Variants in SERPINB3 observed in about 807,000 individuals in gnomAD.
The protein encoded by SERPINB3 is serpin B3.
Under a neutral mutation model 33.0 loss-of-function variants are expected in SERPINB3, and 33 were observed. That is an observed-to-expected ratio of 1.00 (90% CI 0.76 to 1.34). The LOEUF (loss-of-function observed/expected upper bound fraction) is 1.34, where lower values mean the gene tolerates loss of function less well. Among genes scored for constraint, SERPINB3 ranks in the 40% most tolerant of loss-of-function variants. SERPINB3 has a pLI of 0.00. For synonymous variants in SERPINB3, 200 were observed against 170.9 expected (o/e 1.17, Z -1.33); for missense variants, 518 against 461.5 (o/e 1.12, Z -1.12).
chr18:63,656,132 CTA>C (rs1913490051), intron 7 of SERPINB3, 71 bp from the exon 8 acceptor site: 9 of 1,520,544 alleles, frequency 5.9e-6, no homozygotes, highest in Admixed American at 2.1e-5. Context: ...AATGAATTGA[CTA>C]TGTGGAGAAT....
intron 7 of SERPINB3, among the ~76,000 whole-genome samples, 173 bp downstream of exon 7, chr18:63,656,656 TTG>T (rs1483632159): frequency 1.3e-5 from 2 of 152,240 alleles, no homozygotes; most frequent in East Asian, 1.9e-4. Flanking sequence ...TGCCTTCAGT[TTG>T]TGTCAGGCCC....
At chr18:63,658,398 T>A in intron 5 of SERPINB3, 115 bp downstream of exon 5, 1 of 839,664 alleles carries the variant, frequency 1.2e-6, no homozygotes, top group Non-Finnish European at 1.9e-6. Flanking sequence ...GCCCTCTTCT[T>A]CCCTCCCTGC....
At chr18:63,657,444 A>T in intron 5 of SERPINB3, 32 bp from the exon 6 acceptor site, 1 of 1,543,876 alleles carries the variant, frequency 6.5e-7, no homozygotes, top group South Asian at 1.3e-5. Flanking sequence ...AGTCTTTTAC[A>T]CAAGCTACAA....
rs146207091 is a variant in SERPINB3 at position 63,658,250 on chromosome 18, C to G, written c.469+263G>C. Among the ~76,000 whole-genome samples the G allele has an allele frequency of 4.2e-3, 635 of 152,258 alleles. 7 individuals carry two copies. The highest frequency in any genetic ancestry group is 6.1e-3 in the Non-Finnish European group (412 of 68,006). ...TTGGACCTGAGTGGAGACAAGGGAT[C>G]CACAAAGCTATTGTCATCCAGGAAC... On this transcript the variant is annotated intron_variant, in intron 5 of 7. Transcript: ENST00000283752.
intron 7 of SERPINB3, 150 bp downstream of exon 7, chr18:63,656,681 T>G (rs1913504750): frequency 1.1e-6 from 1 of 921,380 alleles, no homozygotes; most frequent in Admixed American, 2.6e-5. Context: ...TGCTTAAATC[T>G]TTGTAATATG....
intron 2 of SERPINB3, 68 bp from the exon 3 acceptor site, chr18:63,660,924 A>T: frequency 6.2e-7 from 1 of 1,612,326 alleles, no homozygotes; most frequent in Non-Finnish European, 8.5e-7. Flanking sequence ...GTGGTCTCAC[A>T]GTTACGGGAA....
At position 63,660,942 on chromosome 18, in the gene SERPINB3, T is replaced by A. The variant is rs537154052; in HGVS notation, c.166-86A>T. 1.0e-3 allele frequency: 1,616 copies of A among 1,610,756 alleles called. 15 individuals carry two copies. The highest frequency in any genetic ancestry group is 7.8e-3 in the South Asian group (702 of 90,516). ...GTCTCACAGTTACGGGAATTCCTGC[T>A]CAGCCCCCTGTGCTACCCATCAGAC... On this transcript the variant is annotated intron_variant, in intron 2 of 7. Transcript: ENST00000283752.
At chr18:63,657,160 CA>C (rs1473614339) in intron 6 of SERPINB3, 109 bp downstream of exon 6, 8 of 900,894 alleles carry the variant, frequency 8.9e-6, no homozygotes, top group South Asian at 2.7e-5. Context: ...ACTAAAACAA[CA>C]AAAAAACAGA....
chr18:63,658,730 C>T (rs1291240075), intron 4 of SERPINB3, 100 bp from the exon 5 acceptor site: 1 of 891,110 alleles, frequency 1.1e-6, no homozygotes. Flanking sequence ...TGAATCCAGA[C>T]CCTGAATAGA....
rs140650845 is a variant in SERPINB3 at position 63,655,868 on chromosome 18, C to A, written c.962G>T (p.Arg321Leu). Reference sequence around the variant, plus strand: ...TAGGACTCCAGATAGCACGAGACCGCGGCTCCCGGTCATGCCTGAGAGGTC... The same window carrying A: ...TAGGACTCCAGATAGCACGAGACCGAGGCTCCCGGTCATGCCTGAGAGGTC... ...DADLSGMTGSRGLVLSGVLHK... is the reference protein window; with the variant it reads ...DADLSGMTGSLGLVLSGVLHK... The change falls in exon 8 of 8, where the codon CGC becomes CTC. Residue 321 changes from arginine (R) to leucine (L), a missense_variant. Coordinates refer to ENST00000283752, the MANE Select transcript of SERPINB3 (RefSeq NM_006919.3). 1.2e-6 allele frequency: 2 copies of A among 1,613,928 alleles called. No individual in the cohort carries two copies. The highest frequency in any genetic ancestry group is 1.3e-5 in the African/African-American group (1 of 75,014).
chr18:63,659,801 G>A (rs1208133882), intron 3 of SERPINB3, among the ~76,000 whole-genome samples: 1 of 152,104 alleles, frequency 6.6e-6, no homozygotes, highest in Admixed American at 6.6e-5. Flanking sequence ...TTTTGTCCTT[G>A]TTGGTTTAAA....
chr18:63,661,302 T>A, intron 1 of SERPINB3, 60 bp from the exon 2 acceptor site: 1 of 1,481,184 alleles, frequency 6.8e-7, no homozygotes. Flanking sequence ...TATTTTGTAG[T>A]ACAATTTTCT....
intron 3 of SERPINB3, 50 bp from the exon 4 acceptor site, chr18:63,659,577 A>C: frequency 1.1e-5 from 17 of 1,611,974 alleles, no homozygotes; most frequent in Non-Finnish European, 1.4e-5. Flanking sequence ...CAATGTAAAT[A>C]CTAAACCCAT....
chr18:63,661,042 T>C lies in SERPINB3; in HGVS notation c.165+10A>G, dbSNP rs564722374. The C allele has an allele frequency of 3.1e-5, 50 of 1,613,466 alleles. No homozygotes were observed. The East Asian group carries it at 8.7e-4, about 28-fold the overall frequency. ...CTGCAACAGGACAACATAATGATGC[T>C]GATAGCTACCTTCTTAATCTGTTGT... On this transcript the variant is annotated intron_variant, in intron 2 of 7. Coordinates refer to ENST00000283752, the MANE Select transcript of SERPINB3 (RefSeq NM_006919.3).
chr18:63,656,181 C>T (rs1027034366), intron 7 of SERPINB3, 120 bp from the exon 8 acceptor site: 8 of 1,200,416 alleles, frequency 6.7e-6, no homozygotes, highest in Non-Finnish European at 9.1e-6. Context: ...ACAGAAGGTT[C>T]ACTTTATTAG....
At position 63,658,609 on chromosome 18, in the gene SERPINB3, T is replaced by A; in HGVS notation, c.373A>T (p.Lys125Ter). The A allele has an allele frequency of 6.2e-7, 1 of 1,612,490 alleles. No homozygotes were observed. Among genetic ancestry groups the A allele is most frequent in the South Asian group, 1.1e-5 (1 of 91,022 alleles). ...GATTCCACACTGGTCTGGTAAAATT[T>A]CTTGATGGCATCTAAATATTCCTTT... ...FLQEYLDAIK[K>*]FYQTSVESVD... is the part of the protein sequence containing the mutation. The change falls in exon 5 of 8, where the codon AAA (lysine) becomes TAA (stop). Residue 125 changes from lysine (K) to a stop codon, truncating the protein, a stop_gained. Coordinates refer to ENST00000283752, the MANE Select transcript of SERPINB3 (RefSeq NM_006919.3). LOFTEE classifies it high-confidence loss of function.
In SERPINB3 at chr18:63,661,193, G is replaced by T. The variant is rs774496420; in HGVS notation, c.24C>A (p.Asn8Lys). 1.2e-6 allele frequency: 2 copies of T among 1,613,444 alleles called. No homozygotes were observed. The highest frequency in any genetic ancestry group is 1.7e-5 in the Admixed American group (1 of 59,980). ...GGAACAGGTCGAACATGAACTTGGT[G>T]TTGGCTTCACTGAGTGAATTCATGG... MNSLSEA[N>K]TKFMFDLFQQ... Residue 8 changes from asparagine (N) to lysine (K), a missense_variant, in exon 2 of 8, where the codon AAC becomes AAA. Asn to Lys is a moderately conservative substitution (Grantham distance 94, BLOSUM62 0). Coordinates refer to ENST00000283752, the MANE Select transcript of SERPINB3 (RefSeq NM_006919.3).
At position 63,658,641 on chromosome 18, in the gene SERPINB3, T is replaced by C. The variant is rs544152231; in HGVS notation, c.352-11A>G. On this transcript the variant is annotated splice_polypyrimidine_tract_variant and intron_variant, in intron 4 of 7. Coordinates refer to ENST00000283752, the MANE Select transcript of SERPINB3 (RefSeq NM_006919.3). ...GGCATCTAAATATTCCTTTGAGATA[T>C]GAAGGAAGAAAGTAGGAAGTAAGAG... 1 of 1,587,814 alleles carries C rather than the reference T, an allele frequency of 6.3e-7. No individual in the cohort carries two copies. The highest frequency in any genetic ancestry group is 8.6e-7 in the Non-Finnish European group (1 of 1,156,708).
rs780939570 is a variant in SERPINB3 at position 63,656,028 on chromosome 18, C to A, written c.802G>T (p.Glu268Ter). ...EEKLTAEKLM[E>*]WTSLQNMRET... ...CTCATATTCTGCAAACTTGTCCATT[C>A]CATCAATTTCTCAGCAGTGAGTTTC... Residue 268 changes from glutamate (E) to a stop codon, truncating the protein, a stop_gained, in exon 8 of 8, where the codon GAA becomes TAA. Coordinates refer to ENST00000283752, the MANE Select transcript of SERPINB3 (RefSeq NM_006919.3). LOFTEE classifies it low-confidence loss of function (END_TRUNC). 1.5e-5 allele frequency: 24 copies of A among 1,613,746 alleles called. 1 individual carries two copies. In the South Asian group the frequency reaches 2.6e-4, roughly 18 times the overall value.
Sources: allele counts gnomAD v4.1 joint callset (sites outside exome capture counted in the v4.1 genomes callset), GRCh38; gene constraint gnomAD v4.1.1; transcripts MANE v1.5; gene names NCBI Gene and HGNC (gene_info 2026-07-23, HGNC 2026-07-21).